The following ADAMTS2 variants were observed in gnomAD, a reference collection of about 807,000 sequenced individuals.
ADAMTS2 encodes the protein ADAM metallopeptidase with thrombospondin type 1 motif 2.
Under a neutral mutation model 123.0 loss-of-function variants are expected in ADAMTS2, and 50 were observed. The ratio of observed to expected loss-of-function variants is 0.41; its 90% CI spans 0.32 to 0.51. The LOEUF (loss-of-function observed/expected upper bound fraction) is 0.51, where lower values mean the gene tolerates loss of function less well. Ranked by LOEUF, ADAMTS2 falls within the 20% of genes least tolerant of loss-of-function variation. ADAMTS2 has a pLI of 0.35. For missense variants in ADAMTS2, 1,494 were observed against 1,705.2 expected, an observed-to-expected ratio of 0.88 and a Z score of 2.18; for synonymous variants, 678 against 695.4, an observed-to-expected ratio of 0.98 and a Z score of 0.39.
rs991899982 is a variant in ADAMTS2, at chr5:179,114,091, T to C, written c.3412A>G (p.Thr1138Ala). The C allele has an allele frequency of 6.2e-7, 1 of 1,613,302 alleles. No homozygotes were observed. The highest frequency in any genetic ancestry group is 8.5e-7 in the Non-Finnish European group (1 of 1,179,826). The part of the protein sequence containing the change: ...VAMEVRPSPS[T>A]PLEVPLNASS... Reference sequence around the variant, plus strand: ...GCATTGAGAGGGACCTCCAGGGGGGTGCTTGGTGATGGCCGCACCTCCATG... The same window carrying C: ...GCATTGAGAGGGACCTCCAGGGGGGCGCTTGGTGATGGCCGCACCTCCATG... Residue 1138 changes from threonine (T) to alanine (A), a missense_variant, in exon 22 of 22, where the codon ACC becomes GCC. Coordinates refer to ENST00000251582, the MANE Select transcript of ADAMTS2 (RefSeq NM_014244.5).
intron 3 of ADAMTS2, among the ~76,000 whole-genome samples, chr5:179,210,490 T>A (rs1481875808): frequency 6.6e-6 from 1 of 152,284 alleles, no homozygotes; most frequent in South Asian, 2.1e-4. Flanking sequence ...TTAATCGTGA[T>A]AATTTTGGGG....
At chr5:179,150,172 G>C (rs1176739353) in intron 10 of ADAMTS2, among the ~76,000 whole-genome samples, 1 of 151,892 alleles carries the variant, frequency 6.6e-6, no homozygotes, top group African/African-American at 2.4e-5. Flanking sequence ...TGCAGGGCCT[G>C]CCTCCCATTC....
intron 3 of ADAMTS2, among the ~76,000 whole-genome samples, chr5:179,257,186 G>A (rs953986762): frequency 4.6e-5 from 7 of 152,326 alleles, no homozygotes; most frequent in Admixed American, 2.6e-4. Flanking sequence ...TCAAGGCCTC[G>A]GGACAAATCC....
chr5:179,252,711 T>C (rs1418863841), intron 3 of ADAMTS2, among the ~76,000 whole-genome samples: 2 of 152,200 alleles, frequency 1.3e-5, no homozygotes, highest in African/African-American at 2.4e-5. Flanking sequence ...CCTATGTGCT[T>C]GAGAAAAAGA....
intron 4 of ADAMTS2, among the ~76,000 whole-genome samples, chr5:179,196,799 G>A (rs57725944): frequency 0.017 from 2,535 of 152,300 alleles, 84 homozygotes; most frequent in African/African-American, 0.057. Context: ...AGCTTTGTGG[G>A]CCATATGGTT....
At position 179,155,031 on chromosome 5, in the gene ADAMTS2, C is replaced by G; in HGVS notation, c.1133-112G>C. The G allele has an allele frequency of 1.1e-6, 1 of 918,986 alleles. No homozygotes were observed. Among genetic ancestry groups the G allele is most frequent in the South Asian group, 1.4e-5 (1 of 70,982 alleles). 56.9% of individuals were successfully genotyped at this position (918,986 alleles called of 1,614,324 possible). A position where few individuals can be genotyped will look rare whatever the true frequency, so the allele number is the denominator to read the frequency against. On this transcript the variant is annotated intron_variant, in intron 6 of 21. Transcript: ENST00000251582. This position sits in a 1 kb window ranked among gnomAD's most constrained non-coding sequence, Gnocchi z 5.1. ...CCTCAAGGCCCCAATGCCCTCTCTA[C>G]CACAGGCAACTGCCCCCGGCTGGCA...
rs977566080 is a variant in ADAMTS2 at position 179,332,220 on chromosome 5, T to TGGGCA, written c.534+11542_534+11546dup. 5.8e-4 allele frequency among the ~76,000 whole-genome samples: 88 copies of TGGGCA among 152,264 alleles called. No individual in the cohort carries two copies. The highest frequency in any genetic ancestry group is 2.8e-4 in the Non-Finnish European group (19 of 68,020). ...CCCAGGAACAGCTGCATGGGAGGGATGGGCAGGGCAAGGTAACGGGAAGGG... is the reference window on the plus strand; with the variant it reads ...CCCAGGAACAGCTGCATGGGAGGGATGGGCAGGGCAGGGCAAGGTAACGGGAAGGG... On this transcript the variant is annotated intron_variant, in intron 2 of 21. Transcript: ENST00000251582. The surrounding 1 kb of genome is among the most constrained non-coding windows in gnomAD (Gnocchi z 4.2).
rs568734440 is a variant in ADAMTS2, at chr5:179,129,233, G to A, written c.2457+699C>T. The stretch of plus-strand genomic sequence containing the variant: ...GGCGAGGCAGGCAGGGTGCCAGGGG[G>A]TACACGGGGCATACCTGGCTCACTG... On this transcript the variant is annotated intron_variant, in intron 16 of 21. Coordinates refer to ENST00000251582, the MANE Select transcript of ADAMTS2 (RefSeq NM_014244.5). This position sits in a 1 kb window ranked among gnomAD's most constrained non-coding sequence, Gnocchi z 4.1. 6.6e-6 allele frequency among the ~76,000 whole-genome samples: 1 copy of A among 152,198 alleles called. No individual in the cohort carries two copies. The highest frequency in any genetic ancestry group is 1.5e-5 in the Non-Finnish European group (1 of 68,038).
intron 3 of ADAMTS2, among the ~76,000 whole-genome samples, chr5:179,218,944 C>A (rs994974088): frequency 6.6e-6 from 1 of 152,192 alleles, no homozygotes; most frequent in Admixed American, 6.5e-5. Context: ...CACCTGCACA[C>A]CCTCACAGAG....
At chr5:179,229,349 C>T (rs937884601) in intron 3 of ADAMTS2, among the ~76,000 whole-genome samples, 1 of 103,204 alleles carries the variant, frequency 9.7e-6, no homozygotes. Flanking sequence ...CCCCGCTGCC[C>T]ACTCCCGACG....
intron 4 of ADAMTS2, among the ~76,000 whole-genome samples, chr5:179,203,960 G>T (rs1042138351): frequency 6.6e-6 from 1 of 152,210 alleles, no homozygotes; most frequent in Non-Finnish European, 1.5e-5. Context: ...CCCATGGATG[G>T]CTGGATAAAC....
At chr5:179,199,079 G>A (rs1303855253) in intron 4 of ADAMTS2, among the ~76,000 whole-genome samples, 2 of 152,204 alleles carry the variant, frequency 1.3e-5, no homozygotes, top group Non-Finnish European at 2.9e-5. Context: ...TATGGGGTCT[G>A]AGCGCAGGGC....
At chr5:179,196,802 A>G (rs748828030) in intron 4 of ADAMTS2, among the ~76,000 whole-genome samples, 2 of 152,238 alleles carry the variant, frequency 1.3e-5, no homozygotes, top group Non-Finnish European at 2.9e-5. Context: ...TTTGTGGGCC[A>G]TATGGTTTCT....
chr5:179,158,903 G>A lies in ADAMTS2; in HGVS notation c.976-24C>T. On this transcript the variant is annotated intron_variant, in intron 5 of 21. Transcript: ENST00000251582. This position sits in a 1 kb window ranked among gnomAD's most constrained non-coding sequence, Gnocchi z 5.0. ...GACTGCAGGGGGATGGAGAGAAATG[G>A]AAGAGAGAGGTTGGCGCCTGGTGGC... 1 of 1,612,962 alleles carries A rather than the reference G, an allele frequency of 6.2e-7. No individual in the cohort carries two copies. The highest frequency in any genetic ancestry group is 8.5e-7 in the Non-Finnish European group (1 of 1,179,582).
chr5:179,122,629 C>T lies in ADAMTS2; in HGVS notation c.3088+15G>A, dbSNP rs910578729. 8.4e-6 allele frequency: 13 copies of T among 1,549,414 alleles called. No individual in the cohort carries two copies. The Admixed American group carries it at 2.4e-4, about 28-fold the overall frequency. ...TGCATGCTGGGAGCAGGGGCAGGGGCTGCAGGTGGCTTACGGGGACAGGGG... is the reference window on the plus strand; with the variant it reads ...TGCATGCTGGGAGCAGGGGCAGGGGTTGCAGGTGGCTTACGGGGACAGGGG... On this transcript the variant is annotated intron_variant, in intron 20 of 21. Transcript: ENST00000251582.
At chr5:179,209,722 G>GGCCATCCATGCCGTTCCCAGAGGAAGC (rs1332802465) in intron 3 of ADAMTS2, among the ~76,000 whole-genome samples, 2 of 152,230 alleles carry the variant, frequency 1.3e-5, no homozygotes, top group African/African-American at 4.8e-5. Flanking sequence ...GATGACTCAG[G>GGCCATCCATGCCGTTCCCAGAGGAAGC]GCCATCCATG....
In ADAMTS2 at chr5:179,128,089, T is replaced by G. The variant is rs201592583; in HGVS notation, c.2487A>C (p.Ser829=). The part of the protein sequence containing the change: ...LVIPVGDTRV[S]LTYKYMIHED... The stretch of plus-strand genomic sequence containing the variant: ...CATGGATCATGTATTTGTACGTCAG[T>G]GAGACCCGGGTGTCTCCCACCGGGA... Residue 829 remains serine (S), a synonymous_variant, in exon 17 of 22, where the codon TCA becomes TCC. Coordinates refer to ENST00000251582, the MANE Select transcript of ADAMTS2 (RefSeq NM_014244.5). The surrounding 1 kb of genome is among the most constrained non-coding windows in gnomAD (Gnocchi z 4.9). 1.9e-6 allele frequency: 3 copies of G among 1,613,896 alleles called. No individual in the cohort carries two copies. Among genetic ancestry groups the G allele is most frequent in the East Asian group, 2.2e-5 (1 of 44,864 alleles).
intron 2 of ADAMTS2, among the ~76,000 whole-genome samples, chr5:179,287,041 G>GA (rs1212635030): frequency 1.2e-4 from 19 of 152,330 alleles, no homozygotes; most frequent in South Asian, 4.1e-4. Flanking sequence ...GGAACTGGGG[G>GA]ATCTAGGGAG....
Position 179,118,213 on chromosome 5 carries a change from G to T in ADAMTS2, c.3178+3448C>A, listed in dbSNP as rs4701049. On this transcript the variant is annotated intron_variant, in intron 21 of 21. Coordinates refer to ENST00000251582, the MANE Select transcript of ADAMTS2 (RefSeq NM_014244.5). The surrounding 1 kb of genome is among the most constrained non-coding windows in gnomAD (Gnocchi z 4.5). ...AGAGATTGACTATGCAAATAGCCTA[G>T]GAAAATTTCAAAATAGCCTAGAAAA... 0.47 allele frequency among the ~76,000 whole-genome samples: 72,031 copies of T among 152,194 alleles called. 17,921 individuals are homozygous for T. Among genetic ancestry groups the T allele is most frequent in the African/African-American group, 0.64 (26,440 of 41,552 alleles).
Sources: allele counts gnomAD v4.1 joint callset (sites outside exome capture counted in the v4.1 genomes callset), GRCh38; gene constraint gnomAD v4.1.1; non-coding constraint Gnocchi (gnomAD v3.1); transcripts MANE v1.5; gene names NCBI Gene and HGNC (gene_info 2026-07-23, HGNC 2026-07-21).